Variants in SEMA6D observed in about 807,000 individuals in gnomAD.
SEMA6D encodes semaphorin-6D.
Under a neutral mutation model 106.6 loss-of-function variants are expected in SEMA6D, and 35 were observed. The ratio of observed to expected loss-of-function variants is 0.33; its 90% confidence interval spans 0.25 to 0.44. The LOEUF (loss-of-function observed/expected upper bound fraction) is 0.44. Among genes scored for constraint, SEMA6D ranks in the 20% least tolerant of loss-of-function variants. The probability of loss-of-function intolerance (pLI) is 1.00; values close to 1 mark genes in which losing one functional copy is unlikely to be tolerated. For synonymous variants in SEMA6D, 499 were observed against 487.7 expected (o/e 1.02, Z -0.31); for missense variants, 1,185 against 1,345.9 (o/e 0.88, Z 1.87).
intron 4 of SEMA6D, among the ~76,000 whole-genome samples, chr15:47,602,464 C>T (rs993832894): frequency 1.3e-5 from 2 of 151,754 alleles, no homozygotes; most frequent in Non-Finnish European, 1.5e-5. Flanking sequence ...TGCTAAAATA[C>T]TGTTGTGTAT....
intron 1 of SEMA6D, among the ~76,000 whole-genome samples, chr15:47,731,293 A>G (rs368108736): frequency 8.6e-5 from 13 of 151,040 alleles, no homozygotes; most frequent in African/African-American, 2.9e-4. Context: ...ATTTTCAGTT[A>G]TATCCCCAAA....
chr15:47,464,967 A>G (rs1450113000), intron 2 of SEMA6D, among the ~76,000 whole-genome samples: 6 of 152,128 alleles, frequency 3.9e-5, no homozygotes, highest in Admixed American at 3.9e-4. Context: ...TTTGCCATAT[A>G]TGTATGAATC....
intron 3 of SEMA6D, among the ~76,000 whole-genome samples, chr15:47,524,220 A>G (rs991393270): frequency 6.6e-6 from 1 of 152,094 alleles, no homozygotes; most frequent in African/African-American, 2.4e-5. Flanking sequence ...CTAGGTATGG[A>G]TGGAACTGCC....
At chr15:47,628,355 G>A (rs977429921) in intron 4 of SEMA6D, among the ~76,000 whole-genome samples, 1 of 151,988 alleles carries the variant, frequency 6.6e-6, no homozygotes, top group South Asian at 2.1e-4. Flanking sequence ...CAAAAGAATA[G>A]CTATACCATT....
chr15:47,195,182 A>G (rs1025145956), intron 1 of SEMA6D, among the ~76,000 whole-genome samples: 2 of 152,152 alleles, frequency 1.3e-5, no homozygotes, highest in East Asian at 1.9e-4. Flanking sequence ...GACAGTGGAG[A>G]AAAAAAGAGC....
At chr15:47,454,364 C>G (rs1021298813) in intron 2 of SEMA6D, among the ~76,000 whole-genome samples, 1 of 151,930 alleles carries the variant, frequency 6.6e-6, no homozygotes, top group African/African-American at 2.4e-5. Flanking sequence ...TTTTATTCTT[C>G]TGGTACCAGA....
intron 1 of SEMA6D, among the ~76,000 whole-genome samples, chr15:47,350,675 T>C (rs1240177482): frequency 6.6e-6 from 1 of 152,220 alleles, no homozygotes; most frequent in Non-Finnish European, 1.5e-5. Flanking sequence ...GCTTCATTTG[T>C]ATTTTATTAA....
chr15:47,763,773 C>G, intron 9 of SEMA6D, 77 bp from the exon 10 acceptor site: 3 of 1,278,886 alleles, frequency 2.3e-6, no homozygotes, highest in Middle Eastern at 5.3e-4. Context: ...TTTTGTCCCT[C>G]CCTTAAACAG....
At chr15:47,369,265 T>C (rs2039180705) in intron 1 of SEMA6D, among the ~76,000 whole-genome samples, 1 of 152,226 alleles carries the variant, frequency 6.6e-6, no homozygotes, top group Admixed American at 6.5e-5. Context: ...ATGTGTGTTA[T>C]AATTCAGTAA....
intron 3 of SEMA6D, among the ~76,000 whole-genome samples, chr15:47,470,900 C>T (rs1342886247): frequency 2.6e-5 from 4 of 152,228 alleles, no homozygotes; most frequent in Non-Finnish European, 5.9e-5. Context: ...ATGCCATACA[C>T]TGACAGTCCT....
At chr15:47,635,688 A>T (rs932622607) in intron 4 of SEMA6D, among the ~76,000 whole-genome samples, 1 of 152,046 alleles carries the variant, frequency 6.6e-6, no homozygotes, top group East Asian at 1.9e-4. Context: ...ATTGAATAGA[A>T]TTGTTGAACA....
At chr15:47,185,292 T>C (rs1566912022) in intron 1 of SEMA6D, among the ~76,000 whole-genome samples, 1 of 152,102 alleles carries the variant, frequency 6.6e-6, no homozygotes, top group South Asian at 2.1e-4. Flanking sequence ...AGAAAACCGC[T>C]CCTGAGTGCG....
At position 47,765,048 on chromosome 15, in the gene SEMA6D, C is replaced by A; in HGVS notation, c.1419C>A (p.Asn473Lys). The A allele has an allele frequency of 1.2e-6, 2 of 1,613,716 alleles. No homozygotes were observed. Among genetic ancestry groups the A allele is most frequent in the Non-Finnish European group, 1.7e-6 (2 of 1,179,762 alleles). ...SVLLEEIEAY[N>K]HAKCSAENEE... Reference sequence around the variant, plus strand: ...TACTGGAAGAGATTGAAGCCTACAACCATGCAAAGTAGGTATATGTTACGA... The same window carrying A: ...TACTGGAAGAGATTGAAGCCTACAAACATGCAAAGTAGGTATATGTTACGA... The change falls in exon 13 of 19, where the codon AAC (asparagine) becomes AAA (lysine). Residue 473 changes from asparagine (N) to lysine (K), a missense_variant. Around this residue, in one of 3 missense-constraint regions of SEMA6D, gnomAD observed 750 missense variants for 783.5 expected, o/e 0.96. Transcript: ENST00000536845.
intron 1 of SEMA6D, among the ~76,000 whole-genome samples, chr15:47,325,218 G>T (rs1327459995): frequency 6.6e-6 from 1 of 151,146 alleles, no homozygotes; most frequent in Non-Finnish European, 1.5e-5. Flanking sequence ...TTGTTGCCCA[G>T]GCTGGAGTGC....
chr15:47,535,470 C>T (rs1301546210), intron 3 of SEMA6D, among the ~76,000 whole-genome samples: 2 of 152,074 alleles, frequency 1.3e-5, no homozygotes, highest in African/African-American at 4.8e-5. Context: ...TAGGCCTTGA[C>T]CCTAAAATGG....
intron 3 of SEMA6D, among the ~76,000 whole-genome samples, chr15:47,586,136 TA>T (rs1266894360): frequency 6.6e-6 from 1 of 152,236 alleles, no homozygotes; most frequent in Non-Finnish European, 1.5e-5. Flanking sequence ...TTTTAATATT[TA>T]TTACACATAA....
intron 4 of SEMA6D, chr15:47,603,867 A>G (rs1232778979): frequency 1.3e-5 from 2 of 152,070 alleles, no homozygotes; most frequent in African/African-American, 4.8e-5. Context: ...AAAGGCTGGC[A>G]CTATGTTGCT....
At chr15:47,219,832 A>G (rs1209419117) in intron 1 of SEMA6D, among the ~76,000 whole-genome samples, 2 of 152,204 alleles carry the variant, frequency 1.3e-5, no homozygotes, top group African/African-American at 4.8e-5. Flanking sequence ...GGTCTTGGCT[A>G]GACTTCTTTA....
chr15:47,768,440 G>T lies in SEMA6D; in HGVS notation c.1766-141G>T, dbSNP rs1597093385. ...CCTTGAAAGGAAGGAATTTGATGTA[G>T]CTTCCTCAGGCGTGTTTTTACAAAA... On this transcript the variant is annotated intron_variant, in intron 17 of 18. Transcript: ENST00000536845. The T allele has an allele frequency of 6.7e-6, 4 of 592,734 alleles. No homozygotes were observed. In the East Asian group the frequency reaches 8.6e-5, roughly 13 times the overall value. The allele number at this position is 592,734 out of a possible 1,614,324, so 36.7% of individuals were successfully genotyped here. A position where few individuals can be genotyped will look rare whatever the true frequency, so the allele number is the denominator to read the frequency against.
Sources: allele counts gnomAD v4.1 joint callset (sites outside exome capture counted in the v4.1 genomes callset), GRCh38; gene constraint gnomAD v4.1.1; regional missense constraint gnomAD v4.1.1; transcripts MANE v1.5; gene names NCBI Gene and HGNC (gene_info 2026-07-23, HGNC 2026-07-21).